The following SCN8A variants were observed in gnomAD, a reference collection of about 807,000 sequenced individuals.
The protein encoded by SCN8A is sodium voltage-gated channel alpha subunit 8.
Under a neutral mutation model 184.1 loss-of-function variants are expected in SCN8A, and 30 were observed. That is an observed-to-expected ratio of 0.16 (90% confidence interval 0.12 to 0.22). SCN8A has a LOEUF of 0.22. SCN8A is among the 10% of genes least tolerant of loss of function. The probability of loss-of-function intolerance (pLI) is 1.00; values close to 1 mark genes in which losing one functional copy is unlikely to be tolerated. For missense variants in SCN8A, 1,057 were observed against 2,498.9 expected, an observed-to-expected ratio of 0.42 and a Z score of 12.30; for synonymous variants, 852 against 907.0, an observed-to-expected ratio of 0.94 and a Z score of 1.09.
chr12:51,744,505 G>GT (rs796918158), intron 12 of SCN8A, among the ~76,000 whole-genome samples: 347 of 148,558 alleles, frequency 2.3e-3, no homozygotes, highest in African/African-American at 7.2e-3. Flanking sequence ...AGGGAAATCG[G>GT]TTTTTTTTTT....
At chr12:51,739,751 G>A (rs1004720286) in intron 12 of SCN8A, among the ~76,000 whole-genome samples, 30 of 152,098 alleles carry the variant, frequency 2.0e-4, no homozygotes, top group African/African-American at 5.8e-4. Flanking sequence ...ACGAATGGAC[G>A]CCACTTGCGC....
intron 4 of SCN8A, 26 bp downstream of exon 4, chr12:51,686,483 T>C (rs777656599): frequency 6.9e-7 from 1 of 1,456,202 alleles, no homozygotes; most frequent in Admixed American, 1.7e-5. Flanking sequence ...ATGTGTGTGC[T>C]TGTTTGTTTT....
chr12:51,633,664 T>C (rs1339466622), intron 1 of SCN8A, among the ~76,000 whole-genome samples: 1 of 152,220 alleles, frequency 6.6e-6, no homozygotes, highest in African/African-American at 2.4e-5. Flanking sequence ...AGTTGGGGTG[T>C]ACTCACTGTT....
In SCN8A at chr12:51,796,625, GACTC is replaced by G. The variant is rs777010811; in HGVS notation, c.4795+1987_4795+1990del. On this transcript the variant is annotated intron_variant, in intron 26 of 26. Coordinates refer to ENST00000627620, the MANE Select transcript of SCN8A (RefSeq NM_001330260.2). Reference sequence around the variant, plus strand: ...GAAAGGGAGTGTATTAAGGAGAACTGACTCACGATCACAAGGTGAAGTCCCACGA... The same window carrying G: ...GAAAGGGAGTGTATTAAGGAGAACTGACGATCACAAGGTGAAGTCCCACGA... Among the ~76,000 whole-genome samples the G allele has an allele frequency of 5.3e-5, 8 of 152,316 alleles. No homozygotes were observed. In the East Asian group the frequency reaches 1.5e-3, roughly 29 times the overall value.
At chr12:51,783,091 G>A (rs1937976011) in intron 21 of SCN8A, among the ~76,000 whole-genome samples, 1 of 152,170 alleles carries the variant, frequency 6.6e-6, no homozygotes, top group African/African-American at 2.4e-5. Context: ...TCATTTGATT[G>A]ACTCCAGCCA....
At chr12:51,712,743 G>A (rs1287711283) in intron 11 of SCN8A, 7 of 1,118,148 alleles carry the variant, frequency 6.3e-6, no homozygotes, top group Non-Finnish European at 9.5e-6. Flanking sequence ...CACCACCATA[G>A]CCCCCTCTAC....
intron 4 of SCN8A, among the ~76,000 whole-genome samples, 182 bp downstream of exon 4, chr12:51,686,639 A>G (rs545441987): frequency 5.3e-5 from 8 of 152,302 alleles, no homozygotes; most frequent in Non-Finnish European, 1.0e-4. Flanking sequence ...AGTCAACTCT[A>G]GAAATTACTG....
At chr12:51,714,124 A>C (rs1423916208) in intron 11 of SCN8A, among the ~76,000 whole-genome samples, 1 of 152,180 alleles carries the variant, frequency 6.6e-6, no homozygotes, top group African/African-American at 2.4e-5. Flanking sequence ...ATCAAGTTTC[A>C]TACAGATATG....
intron 11 of SCN8A, among the ~76,000 whole-genome samples, chr12:51,713,976 G>GTT (rs1307908845): frequency 1.4e-5 from 2 of 143,554 alleles, no homozygotes; most frequent in Non-Finnish European, 3.1e-5. Flanking sequence ...AAAAAAAAGG[G>GTT]TTTTTTTTTT....
chr12:51,679,886 G>A (rs974134966), intron 2 of SCN8A, among the ~76,000 whole-genome samples: 2 of 151,602 alleles, frequency 1.3e-5, no homozygotes, highest in Admixed American at 6.6e-5. Context: ...CCACCATGTC[G>A]GGCTAATTTT....
chr12:51,645,106 G>A (rs1426554595), intron 1 of SCN8A, among the ~76,000 whole-genome samples: 390 of 129,066 alleles, frequency 3.0e-3, no homozygotes, highest in East Asian at 6.5e-3. Flanking sequence ...CCGGCCAGCC[G>A]CCCCGTCTGG....
chr12:51,754,979 G>C (rs1247063247), intron 14 of SCN8A, among the ~76,000 whole-genome samples: 1 of 152,178 alleles, frequency 6.6e-6, no homozygotes, highest in African/African-American at 2.4e-5. Context: ...TCCATTTACA[G>C]TAAGTCCCCA....
intron 25 of SCN8A, among the ~76,000 whole-genome samples, chr12:51,791,773 G>C (rs1159090863): frequency 6.6e-6 from 1 of 152,190 alleles, no homozygotes; most frequent in East Asian, 1.9e-4. Flanking sequence ...TCACTACGTA[G>C]GAGGCTGAGG....
chr12:51,637,072 A>T (rs568902610), intron 1 of SCN8A, among the ~76,000 whole-genome samples: 164 of 152,256 alleles, frequency 1.1e-3, no homozygotes, highest in Non-Finnish European at 1.2e-3. Context: ...TCATTATTAC[A>T]TCTGTTATGG....
At chr12:51,793,534 G>A (rs979817089) in intron 25 of SCN8A, among the ~76,000 whole-genome samples, 1 of 152,200 alleles carries the variant, frequency 6.6e-6, no homozygotes, top group Non-Finnish European at 1.5e-5. Context: ...TATCACGTAA[G>A]CAGCAGGAAT....
Position 51,776,809 on chromosome 12 carries a change from T to C in SCN8A, c.3819+2447T>C, listed in dbSNP as rs189096869. Among the ~76,000 whole-genome samples, 205 of 152,390 alleles carry C rather than the reference T, an allele frequency of 1.3e-3. 1 individual carries two copies. Among genetic ancestry groups the C allele is most frequent in the African/African-American group, 4.6e-3 (191 of 41,606 alleles). On this transcript the variant is annotated intron_variant, in intron 20 of 26. Transcript: ENST00000627620. ...TAACTTAGCACCATCCACTGGTGAC[T>C]TGATGTCTGAGTCTGTTACTCATCG...
At chr12:51,686,296 G>A in intron 3 of SCN8A, 72 bp from the exon 4 acceptor site, 1 of 879,644 alleles carries the variant, frequency 1.1e-6, no homozygotes, top group Non-Finnish European at 1.9e-6. Context: ...GATACCCAAT[G>A]GAAATGTGTT....
rs1565899340 is a variant in SCN8A at position 51,721,095 on chromosome 12, A to ATATATATATAATATTTATTTATTGT, written c.1636-441_1636-440insATATTTATTTATTGTTATATATATA. ...AAAAAAAAAAATTATATATATATAT[A>ATATATATATAATATTTATTTATTGT]TATATATATATAATATTTATTTATT... On this transcript the variant is annotated intron_variant, in intron 11 of 26. Transcript: ENST00000627620. 6.2e-3 allele frequency among the ~76,000 whole-genome samples: 453 copies of ATATATATATAATATTTATTTATTGT among 73,116 alleles called. 5 individuals are homozygous for ATATATATATAATATTTATTTATTGT. The highest frequency in any genetic ancestry group is 0.017 in the African/African-American group (377 of 22,264). The allele number at this position is 73,116 out of a possible 152,430, so 48.0% of individuals were successfully genotyped here. A position where few individuals can be genotyped will look rare whatever the true frequency, so the allele number is the denominator to read the frequency against.
At chr12:51,679,093 T>TAA (rs58620372) in intron 2 of SCN8A, among the ~76,000 whole-genome samples, 197 of 149,590 alleles carry the variant, frequency 1.3e-3, no homozygotes, top group African/African-American at 3.6e-3. Flanking sequence ...AATAAAAAAA[T>TAA]AAAAAAAAAT....
Sources: allele counts gnomAD v4.1 joint callset (sites outside exome capture counted in the v4.1 genomes callset), GRCh38; gene constraint gnomAD v4.1.1; transcripts MANE v1.5; gene names NCBI Gene and HGNC (gene_info 2026-07-23, HGNC 2026-07-21).